RANBP2: variants seen among roughly 807,000 people sequenced by gnomAD.
The protein encoded by RANBP2 is E3 SUMO-protein ligase RanBP2.
RANBP2 carries 57 observed loss-of-function variants against 303.6 expected under a neutral mutation model. That is an observed-to-expected ratio of 0.19 (90% confidence interval 0.15 to 0.23). The LOEUF (loss-of-function observed/expected upper bound fraction) is 0.23. Among genes scored for constraint, RANBP2 ranks in the 10% least tolerant of loss-of-function variants. RANBP2 has a pLI of 1.00. For synonymous variants in RANBP2, 1,167 were observed against 1,301.5 expected (o/e 0.90, Z 2.23); for missense variants, 3,138 against 3,780.8 (o/e 0.83, Z 4.46).
the RANBP2 span, among the ~76,000 whole-genome samples, chr2:109,103,111 G>C: frequency 6.6e-6 from 1 of 152,214 alleles, no homozygotes; most frequent in Admixed American, 6.5e-5. Flanking sequence ...TGGCTCAGCT[G>C]TCTGCTCCCT....
the RANBP2 span, among the ~76,000 whole-genome samples, chr2:109,427,320 A>G: frequency 6.6e-6 from 1 of 152,230 alleles, no homozygotes; most frequent in Non-Finnish European, 1.5e-5. Context: ...ACATAATGCT[A>G]TCGCATACTT....
chr2:109,027,968 G>A, the RANBP2 span, among the ~76,000 whole-genome samples: 1 of 152,174 alleles, frequency 6.6e-6, no homozygotes, highest in Non-Finnish European at 1.5e-5. Context: ...GGCTTTCCTG[G>A]TACTGTTTAA....
At chr2:108,901,773 C>T in the RANBP2 span, among the ~76,000 whole-genome samples, 2 of 152,174 alleles carry the variant, frequency 1.3e-5, no homozygotes, top group African/African-American at 4.8e-5. Flanking sequence ...ATCATTTGAA[C>T]AGACTTATAA....
At chr2:108,752,619 A>G (rs1208341841) in intron 12 of RANBP2, among the ~76,000 whole-genome samples, 2 of 137,258 alleles carry the variant, frequency 1.5e-5, no homozygotes, top group Non-Finnish European at 3.1e-5. Context: ...TAAAAATACA[A>G]AAAAAAAAAA....
At chr2:108,760,038 C>T (rs1474915233) in intron 18 of RANBP2, among the ~76,000 whole-genome samples, 2 of 151,886 alleles carry the variant, frequency 1.3e-5, no homozygotes, top group Admixed American at 1.3e-4. Flanking sequence ...ACTGAAAGGG[C>T]GAGAGCCAAG....
chr2:108,897,182 G>A, the RANBP2 span: 1 of 1,613,744 alleles, frequency 6.2e-7, no homozygotes, highest in Non-Finnish European at 8.5e-7. Flanking sequence ...CTGAGCATTC[G>A]GCTAGTCTTC....
At chr2:109,417,346 A>G in the RANBP2 span, among the ~76,000 whole-genome samples, 2 of 152,138 alleles carry the variant, frequency 1.3e-5, no homozygotes, top group Non-Finnish European at 2.9e-5. Context: ...CTAGAAGGAA[A>G]GTGATCCTGG....
chr2:109,108,311 T>C, the RANBP2 span, among the ~76,000 whole-genome samples: 1 of 152,220 alleles, frequency 6.6e-6, no homozygotes, highest in Non-Finnish European at 1.5e-5. Context: ...AGTGCTGGGA[T>C]TACAGGTGTA....
At chr2:109,217,354 C>A in the RANBP2 span, among the ~76,000 whole-genome samples, 11 of 152,342 alleles carry the variant, frequency 7.2e-5, no homozygotes, top group South Asian at 4.1e-4. Context: ...ACTGCACTTA[C>A]CATATCGTGA....
the RANBP2 span, among the ~76,000 whole-genome samples, chr2:108,975,316 G>A: frequency 2.0e-5 from 3 of 152,228 alleles, no homozygotes; most frequent in Non-Finnish European, 2.9e-5. Flanking sequence ...GTTCCCACCC[G>A]TGTCTTCTAT....
chr2:109,613,287 C>A, the RANBP2 span: 3 of 769,406 alleles, frequency 3.9e-6, no homozygotes, highest in Admixed American at 3.3e-5. Flanking sequence ...AGAGTCAAGG[C>A]GGGAAAAAAA....
At chr2:109,288,815 C>CTTTTTTTTTTTTTT in the RANBP2 span, among the ~76,000 whole-genome samples, 1 of 152,138 alleles carries the variant, frequency 6.6e-6, no homozygotes, top group African/African-American at 2.4e-5. Flanking sequence ...AAATCACTTT[C>CTTTTTTTTTTTTTT]TTATTTAGTA....
At chr2:109,283,218 A>T in the RANBP2 span, among the ~76,000 whole-genome samples, 150 of 152,280 alleles carry the variant, frequency 9.9e-4, no homozygotes, top group African/African-American at 3.4e-3. Flanking sequence ...TCCAGGCCCC[A>T]GCCTGGCAGT....
At chr2:109,238,969 C>T in the RANBP2 span, among the ~76,000 whole-genome samples, 3 of 152,198 alleles carry the variant, frequency 2.0e-5, no homozygotes, top group African/African-American at 7.2e-5. Context: ...GCTTTTCTGC[C>T]TCCAGTTCTT....
the RANBP2 span, among the ~76,000 whole-genome samples, chr2:109,646,010 G>A: frequency 0.36 from 54,288 of 152,098 alleles, 10,119 homozygotes; most frequent in Middle Eastern, 0.47. Flanking sequence ...TAAAGTCAAA[G>A]GAAACGTGAA....
chr2:109,146,885 T>TCCCCCCCCCC, the RANBP2 span, among the ~76,000 whole-genome samples: 1 of 14,404 alleles, frequency 6.9e-5, no homozygotes, highest in Non-Finnish European at 1.0e-4. Context: ...CTTTTTTCCC[T>TCCCCCCCCCC]CCCCCCCCCC....
At chr2:108,895,776 C>T in the RANBP2 span, 1 of 152,244 alleles carries the variant, frequency 6.6e-6, no homozygotes, top group Non-Finnish European at 1.5e-5. Flanking sequence ...GCTCCCTCGA[C>T]ATCAAGCCCA....
At chr2:109,403,629 C>CTGCTT in the RANBP2 span, among the ~76,000 whole-genome samples, 1 of 152,248 alleles carries the variant, frequency 6.6e-6, no homozygotes, top group East Asian at 1.9e-4. Context: ...TAAAGTGCCC[C>CTGCTT]TGCTTTGCTT....
chr2:109,715,069 GT>G, the RANBP2 span, among the ~76,000 whole-genome samples: 2 of 152,054 alleles, frequency 1.3e-5, no homozygotes, highest in African/African-American at 4.8e-5. Context: ...CTGGGTTCAA[GT>G]GATTCTCCTT....
Sources: gnomAD v4.1 joint callset for allele counts (sites outside exome capture counted in the v4.1 genomes callset) on GRCh38, gnomAD v4.1.1 for gene constraint, MANE v1.5 for transcripts, NCBI Gene and HGNC (gene_info 2026-07-23, HGNC 2026-07-21) for gene names.